NELL1: variants seen among roughly 807,000 people sequenced by gnomAD.
NELL1 encodes neural EGFL like 1.
Under a neutral mutation model 107.4 loss-of-function variants are expected in NELL1, and 76 were observed. The observed-to-expected ratio is 0.71, with a 90% CI of 0.59 to 0.86. The LOEUF is 0.86. Ranked by LOEUF, NELL1 falls within the 40% of genes least tolerant of loss-of-function variation. NELL1 has a pLI of 0.00. For synonymous variants in NELL1, 353 were observed against 341.2 expected (o/e 1.03, Z -0.38); for missense variants, 1,024 against 1,005.5 (o/e 1.02, Z -0.25).
chr11:20,794,114 T>C (rs1477349667), intron 3 of NELL1, among the ~76,000 whole-genome samples: 1 of 152,178 alleles, frequency 6.6e-6, no homozygotes, highest in Non-Finnish European at 1.5e-5. Context: ...TTTTTCATAG[T>C]CTCCTTGGAT....
chr11:21,447,986 T>C (rs191153599), intron 15 of NELL1, among the ~76,000 whole-genome samples: 251 of 152,318 alleles, frequency 1.6e-3, no homozygotes, highest in African/African-American at 5.7e-3. Context: ...CTGCCCAGTG[T>C]TGGCAGCACT....
intron 18 of NELL1, among the ~76,000 whole-genome samples, chr11:21,572,787 C>CT (rs1857131189): frequency 6.6e-6 from 1 of 151,774 alleles, no homozygotes; most frequent in East Asian, 2.0e-4. Context: ...CTAGACAGTA[C>CT]CTTATAATTT....
At chr11:21,074,091 A>G (rs1416962145) in intron 12 of NELL1, among the ~76,000 whole-genome samples, 1 of 152,164 alleles carries the variant, frequency 6.6e-6, no homozygotes, top group Non-Finnish European at 1.5e-5. Context: ...GTTGAGGATG[A>G]GTTCTCGTGT....
At chr11:21,371,568 C>T (rs186630827) in intron 15 of NELL1, among the ~76,000 whole-genome samples, 1 of 151,926 alleles carries the variant, frequency 6.6e-6, no homozygotes, top group Admixed American at 6.6e-5. Flanking sequence ...TTGGAGAAGC[C>T]CTCCTATTTG....
rs546401781 is a variant in NELL1, at chr11:20,889,430, G to A, written c.603+3890G>A. ...GAATGAGTGTGACATAAAGACATTA[G>A]TAGAGAAATGAAACTCTCAGTTTAT... On this transcript the variant is annotated intron_variant, in intron 5 of 19. Transcript: ENST00000357134. Among the ~76,000 whole-genome samples, 10 of 152,274 alleles carry A rather than the reference G, an allele frequency of 6.6e-5. No homozygotes were observed. In the South Asian group the frequency reaches 2.1e-3, roughly 32 times the overall value.
At chr11:21,060,896 T>C (rs11025895) in intron 12 of NELL1, among the ~76,000 whole-genome samples, 42,226 of 151,850 alleles carry the variant, frequency 0.28, 6,200 homozygotes, top group South Asian at 0.4. Flanking sequence ...CCACTATGCC[T>C]GGCTAATTTT....
chr11:20,944,528 C>T (rs1850924302), intron 10 of NELL1, among the ~76,000 whole-genome samples: 1 of 152,056 alleles, frequency 6.6e-6, no homozygotes, highest in Non-Finnish European at 1.5e-5. Context: ...TGACCAATGA[C>T]ATGGAGAAAG....
intron 14 of NELL1, among the ~76,000 whole-genome samples, chr11:21,238,096 T>A (rs770517849): frequency 6.6e-6 from 1 of 152,048 alleles, no homozygotes; most frequent in Non-Finnish European, 1.5e-5. Flanking sequence ...CTTCACATAG[T>A]AGACTTCTCA....
At chr11:21,358,388 AG>A (rs1323452854) in intron 14 of NELL1, among the ~76,000 whole-genome samples, 1 of 150,956 alleles carries the variant, frequency 6.6e-6, no homozygotes, top group Non-Finnish European at 1.5e-5. Flanking sequence ...TATATTTGTA[AG>A]GTTTTTTTTG....
intron 3 of NELL1, among the ~76,000 whole-genome samples, chr11:20,816,862 GT>G (rs745659471): frequency 6.6e-6 from 1 of 152,016 alleles, no homozygotes; most frequent in Admixed American, 6.6e-5. Flanking sequence ...AGATATTGGA[GT>G]TTACCAAAAG....
chr11:21,402,910 T>TA lies in NELL1; in HGVS notation c.1645+31964dup, dbSNP rs1411256170. Among the ~76,000 whole-genome samples the TA allele has an allele frequency of 4.0e-5, 6 of 151,656 alleles. 1 individual carries two copies. Among genetic ancestry groups the TA allele is most frequent in the African/African-American group, 1.5e-4 (6 of 41,222 alleles). On this transcript the variant is annotated intron_variant, in intron 15 of 19. Transcript: ENST00000357134. The stretch of plus-strand genomic sequence containing the variant: ...ATATTGCCATTCTCTTTTAATTGGG[T>TA]AACCTTGCAAAGGTGAGAGCAGCTA...
chr11:21,441,262 A>C (rs1853274452), intron 15 of NELL1, among the ~76,000 whole-genome samples: 1 of 149,230 alleles, frequency 6.7e-6, no homozygotes, highest in Non-Finnish European at 1.5e-5. Flanking sequence ...CTTTGACATC[A>C]TTTCTATTTA....
chr11:21,220,893 T>G (rs2133872326), intron 13 of NELL1, among the ~76,000 whole-genome samples: 1 of 152,328 alleles, frequency 6.6e-6, no homozygotes, highest in Admixed American at 6.5e-5. Flanking sequence ...TGGCCAGAAC[T>G]TTGAGTACTA....
chr11:21,099,635 T>A (rs1021859333), intron 12 of NELL1, among the ~76,000 whole-genome samples: 3 of 152,136 alleles, frequency 2.0e-5, no homozygotes, highest in Non-Finnish European at 4.4e-5. Context: ...GCAAGGTATA[T>A]TATGTGCACC....
intron 14 of NELL1, among the ~76,000 whole-genome samples, chr11:21,301,117 G>C (rs1276619887): frequency 1.3e-5 from 2 of 152,088 alleles, no homozygotes; most frequent in African/African-American, 4.8e-5. Flanking sequence ...GTGTATATGT[G>C]CCACATTTTC....
chr11:21,288,228 T>C (rs1849172270), intron 14 of NELL1, among the ~76,000 whole-genome samples: 1 of 152,174 alleles, frequency 6.6e-6, no homozygotes, highest in Non-Finnish European at 1.5e-5. Context: ...CAAAATGCTC[T>C]TGTCTGACTT....
intron 1 of NELL1, chr11:20,670,373 G>A (rs1236973307): frequency 6.6e-6 from 1 of 152,528 alleles, no homozygotes; most frequent in Non-Finnish European, 1.5e-5. Context: ...TTGCTCCCAA[G>A]GGCTGGGCGA....
chr11:20,924,103 A>G (rs1169429379), intron 7 of NELL1, among the ~76,000 whole-genome samples: 1 of 152,238 alleles, frequency 6.6e-6, no homozygotes, highest in South Asian at 2.1e-4. Context: ...GAATCTGCAG[A>G]CAATCTTAGA....
chr11:21,443,872 A>G (rs1853353823), intron 15 of NELL1, among the ~76,000 whole-genome samples: 1 of 151,810 alleles, frequency 6.6e-6, no homozygotes. Flanking sequence ...AAAAAGAAAA[A>G]AAAAAGAAAA....
Sources: gnomAD v4.1 joint callset for allele counts (sites outside exome capture counted in the v4.1 genomes callset) on GRCh38, gnomAD v4.1.1 for gene constraint, MANE v1.5 for transcripts, NCBI Gene and HGNC (gene_info 2026-07-23, HGNC 2026-07-21) for gene names.